The following ASIC2 variants were observed in gnomAD, a reference collection of about 807,000 sequenced individuals.
ASIC2 encodes the protein acid sensing ion channel subunit 2.
In ASIC2, 25 loss-of-function variants were observed where a neutral mutation model predicts 57.3. That is an observed-to-expected ratio of 0.44 (90% CI 0.32 to 0.61). The LOEUF is 0.61. ASIC2 is among the 20% of genes least tolerant of loss of function. The pLI is 0.06. For synonymous variants in ASIC2, 319 were observed against 307.5 expected (o/e 1.04, Z -0.39); for missense variants, 641 against 738.1 (o/e 0.87, Z 1.52).
chr17:34,120,446 G>A (rs370701062), intron 1 of ASIC2, among the ~76,000 whole-genome samples: 1 of 151,956 alleles, frequency 6.6e-6, no homozygotes, highest in Non-Finnish European at 1.5e-5. Flanking sequence ...TAGACTTAGA[G>A]TTGATAATGG....
At chr17:33,350,564 C>A (rs1176048052) in intron 1 of ASIC2, among the ~76,000 whole-genome samples, 1 of 151,998 alleles carries the variant, frequency 6.6e-6, no homozygotes, top group Admixed American at 6.6e-5. Flanking sequence ...CACCTGTAGT[C>A]CCAGCTACTC....
At chr17:33,392,598 C>T (rs1384786168) in intron 1 of ASIC2, among the ~76,000 whole-genome samples, 1 of 152,048 alleles carries the variant, frequency 6.6e-6, no homozygotes, top group Admixed American at 6.6e-5. Flanking sequence ...ATCTCCTCCC[C>T]TGACCTCCTC....
rs147422142 is a variant in ASIC2 at position 34,011,696 on chromosome 17, T to C, written c.555+144282A>G. ...CTCCATGGAAACCTCTCCAGCAAAG[T>C]CACAAAGGGGCTAATTGCCAAATCA... On this transcript the variant is annotated intron_variant, in intron 1 of 9. Transcript: ENST00000359872. 2.3e-3 allele frequency among the ~76,000 whole-genome samples: 348 copies of C among 152,270 alleles called. 1 individual carries two copies. The highest frequency in any genetic ancestry group is 7.9e-3 in the African/African-American group (330 of 41,544).
intron 1 of ASIC2, among the ~76,000 whole-genome samples, chr17:34,097,752 ACTATGC>A (rs898835736): frequency 3.3e-5 from 5 of 152,174 alleles, no homozygotes; most frequent in African/African-American, 1.2e-4. Context: ...CAGAGGCCCA[ACTATGC>A]TTTATTATGG....
chr17:33,497,983 A>C (rs543293409), intron 1 of ASIC2, among the ~76,000 whole-genome samples: 2 of 152,342 alleles, frequency 1.3e-5, no homozygotes, highest in Admixed American at 1.3e-4. Flanking sequence ...TAGCCAAGGG[A>C]AGTTCCTCAG....
chr17:33,643,879 G>A (rs1906658889), intron 1 of ASIC2, among the ~76,000 whole-genome samples: 1 of 152,122 alleles, frequency 6.6e-6, no homozygotes, highest in Admixed American at 6.5e-5. Flanking sequence ...ATTAGTAGGT[G>A]TTATTATTAA....
chr17:33,398,267 T>A (rs1343193381), intron 1 of ASIC2, among the ~76,000 whole-genome samples: 4 of 152,140 alleles, frequency 2.6e-5, no homozygotes, highest in Non-Finnish European at 5.9e-5. Flanking sequence ...GCATTTAGAA[T>A]GGGCCCCGGA....
At chr17:33,194,534 G>A (rs1906550909) in intron 1 of ASIC2, among the ~76,000 whole-genome samples, 1 of 152,164 alleles carries the variant, frequency 6.6e-6, no homozygotes, top group Admixed American at 6.5e-5. Flanking sequence ...CTAAAATAAG[G>A]AATTACTTCT....
Position 33,122,323 on chromosome 17 carries a change from G to A in ASIC2, c.709-10256C>T, listed in dbSNP as rs544884988. Among the ~76,000 whole-genome samples, 6 of 152,250 alleles carry A rather than the reference G, an allele frequency of 3.9e-5. No homozygotes were observed. The East Asian group carries it at 9.7e-4, about 25-fold the overall frequency. On this transcript the variant is annotated intron_variant, in intron 1 of 9. Coordinates refer to ENST00000225823, the MANE Select transcript of ASIC2 (RefSeq NM_183377.2). Reference sequence around the variant, plus strand: ...CTCCGAGGCTGCCACGTTCGGTGGAGCACATCTTAGTCTACGTTCGATCAC... The same window carrying A: ...CTCCGAGGCTGCCACGTTCGGTGGAACACATCTTAGTCTACGTTCGATCAC...
chr17:33,193,822 C>T (rs2142070919), intron 1 of ASIC2, among the ~76,000 whole-genome samples: 1 of 152,330 alleles, frequency 6.6e-6, no homozygotes, highest in Middle Eastern at 3.4e-3. Context: ...TCTACACTGT[C>T]TTGGGAACAT....
intron 1 of ASIC2, among the ~76,000 whole-genome samples, chr17:33,512,407 AGC>A (rs1914455286): frequency 6.6e-6 from 1 of 152,238 alleles, no homozygotes; most frequent in Admixed American, 6.5e-5. Context: ...CCTGTCCCTT[AGC>A]ATCAGTTGTC....
intron 1 of ASIC2, among the ~76,000 whole-genome samples, chr17:33,210,349 T>C (rs1052332382): frequency 2.0e-5 from 3 of 152,210 alleles, no homozygotes; most frequent in Non-Finnish European, 2.9e-5. Context: ...CCAGTAAATA[T>C]CTTAATATCT....
chr17:33,738,361 CCT>C (rs1909990403), intron 1 of ASIC2, among the ~76,000 whole-genome samples: 1 of 152,146 alleles, frequency 6.6e-6, no homozygotes, highest in African/African-American at 2.4e-5. Flanking sequence ...TTCAGGATCC[CCT>C]TTTATTTTCA....
At chr17:33,316,583 T>G (rs1168811787) in intron 1 of ASIC2, among the ~76,000 whole-genome samples, 1 of 152,212 alleles carries the variant, frequency 6.6e-6, no homozygotes, top group Non-Finnish European at 1.5e-5. Context: ...ACACCACGCC[T>G]GGCCATCTTC....
chr17:33,422,608 C>T (rs552133693), intron 1 of ASIC2, among the ~76,000 whole-genome samples: 72 of 152,182 alleles, frequency 4.7e-4, no homozygotes, highest in Non-Finnish European at 9.4e-4. Context: ...AGGGTCTTTC[C>T]TGGGATCCCA....
chr17:33,059,396 A>G (rs1182252355), intron 3 of ASIC2, among the ~76,000 whole-genome samples: 1 of 152,098 alleles, frequency 6.6e-6, no homozygotes, highest in African/African-American at 2.4e-5. Context: ...CCTATGAGTG[A>G]GAACATGTGG....
intron 1 of ASIC2, among the ~76,000 whole-genome samples, chr17:33,798,502 G>A (rs114709852): frequency 3.7e-4 from 56 of 152,310 alleles, no homozygotes; most frequent in African/African-American, 1.3e-3. Context: ...AAGCGAATGA[G>A]ACTGTTCATC....
In ASIC2 at chr17:33,553,585, C is replaced by T. The variant is rs1030978575; in HGVS notation, c.556-441518G>A. Among the ~76,000 whole-genome samples the T allele has an allele frequency of 5.9e-5, 9 of 152,164 alleles. 1 individual carries two copies. The highest frequency in any genetic ancestry group is 3.9e-4 in the Admixed American group (6 of 15,286). On this transcript the variant is annotated intron_variant, in intron 1 of 9. Coordinates refer to the ASIC2 transcript ENST00000359872. ...TCCTGGGCTTGAGCAATCCTCCCAC[C>T]TCAGCCTCCCCAAGTAGCTGAGACT...
chr17:33,323,960 G>A (rs1280231810), intron 1 of ASIC2, among the ~76,000 whole-genome samples: 1 of 151,776 alleles, frequency 6.6e-6, no homozygotes, highest in African/African-American at 2.4e-5. Context: ...TTCACTTGGT[G>A]AGAATTCAGT....
Sources: allele counts gnomAD v4.1 joint callset (sites outside exome capture counted in the v4.1 genomes callset), GRCh38; gene constraint gnomAD v4.1.1; transcripts MANE v1.5; gene names NCBI Gene and HGNC (gene_info 2026-07-23, HGNC 2026-07-21).